SCARF1: variants seen among roughly 807,000 people sequenced by gnomAD.
SCARF1 encodes scavenger receptor class F member 1.
A neutral mutation model predicts 76.3 loss-of-function variants in SCARF1; 49 were observed. That is an observed-to-expected ratio of 0.64 (90% CI 0.51 to 0.81). The LOEUF (loss-of-function observed/expected upper bound fraction) is 0.81. Ranked by LOEUF, SCARF1 falls within the 40% of genes least tolerant of loss-of-function variation. The pLI is 0.00. For missense variants in SCARF1, 1,098 were observed against 1,143.9 expected, an observed-to-expected ratio of 0.96 and a Z score of 0.58; for synonymous variants, 495 against 474.6, an observed-to-expected ratio of 1.04 and a Z score of -0.56.
intron 8 of SCARF1, among the ~76,000 whole-genome samples, chr17:1,637,415 CT>C (rs1909678512): frequency 6.6e-6 from 1 of 152,006 alleles, no homozygotes; most frequent in Non-Finnish European, 1.5e-5. Context: ...TTTGCAGGAC[CT>C]GGCAGGTCTT....
Position 1,638,988 on chromosome 17 carries a change from C to T in SCARF1, c.1244-62G>A, listed in dbSNP as rs1909820966. The T allele has an allele frequency of 1.3e-5, 19 of 1,476,772 alleles. No individual in the cohort carries two copies. In the East Asian group the frequency reaches 2.2e-4, roughly 17 times the overall value. 91.5% of individuals were successfully genotyped at this position (1,476,772 alleles called of 1,614,324 possible). A position where few individuals can be genotyped will look rare whatever the true frequency, so the allele number is the denominator to read the frequency against. ...CTGTCTCCTACACATCCTGTCTTTG[C>T]TCTGAGTTGCCTGCTACCCAGAAGC... On this transcript the variant is annotated intron_variant, in intron 7 of 10. Transcript: ENST00000263071.
rs550635244 is a variant in SCARF1, at chr17:1,640,829, G to A, written c.792-163C>T. Among the ~76,000 whole-genome samples, 1 of 152,262 alleles carries A rather than the reference G, an allele frequency of 6.6e-6. No homozygotes were observed. The highest frequency in any genetic ancestry group is 1.9e-4 in the East Asian group (1 of 5,166). ...CCTCAGTTTCCCCACGTTGTACAAT[G>A]AGGACAAATGAGGGCTCTTACAGGA... On this transcript the variant is annotated intron_variant, in intron 4 of 10. Transcript: ENST00000263071. This position sits in a 1 kb window ranked among gnomAD's most constrained non-coding sequence, Gnocchi z 4.7.
rs755292325 is a variant in SCARF1 at position 1,636,994 on chromosome 17, C to A, written c.1433G>T (p.Gly478Val). 7 of 1,613,970 alleles carry A rather than the reference C, an allele frequency of 4.3e-6. No homozygotes were observed. Among genetic ancestry groups the A allele is most frequent in the Non-Finnish European group, 5.9e-6 (7 of 1,180,010 alleles). ...LQVWGTLTSLGSTLPCRSLSS... is the reference protein window; with the variant it reads ...LQVWGTLTSLVSTLPCRSLSS... ...GAGGGAACGGCAGGGCAGCGTGGAG[C>A]CCAAGCTGGTCAGTGTCCCCCAGAC... The change falls in exon 9 of 11, where the codon GGC becomes GTC. Residue 478 changes from glycine to valine, a missense_variant. By Grantham distance (109) the Gly-to-Val change is moderately radical. Transcript: ENST00000263071.
At position 1,645,047 on chromosome 17, in the gene SCARF1, G is replaced by T; in HGVS notation, c.164-112C>A. 3 of 1,520,632 alleles carry T rather than the reference G, an allele frequency of 2.0e-6. No individual in the cohort carries two copies. Among genetic ancestry groups the T allele is most frequent in the Non-Finnish European group, 2.7e-6 (3 of 1,110,348 alleles). 94.2% of individuals were successfully genotyped at this position (1,520,632 alleles called of 1,614,324 possible). On this transcript the variant is annotated intron_variant, in intron 2 of 10. Coordinates refer to ENST00000263071, the MANE Select transcript of SCARF1 (RefSeq NM_003693.4). The surrounding 1 kb of genome is among the most constrained non-coding windows in gnomAD (Gnocchi z 6.3). ...CCTCAAGAGGTGCCCCTTCAGGCCT[G>T]GGGGTGCGTCACAGGAGAAACCCTG...
At position 1,640,517 on chromosome 17, in the gene SCARF1, C is replaced by T. The variant is rs538940940; in HGVS notation, c.941G>A (p.Arg314Gln). Reference protein sequence around the residue: ...ESCEQQCPHCRHGEACEPDTG... With the variant: ...ESCEQQCPHCQHGEACEPDTG... ...ATCTGGCTCACAGGCCTCCCCATGT[C>T]GGCAGTGAGGGCACTGCTGTTCGCA... The change falls in exon 5 of 11, where the codon CGA becomes CAA. Residue 314 changes from arginine to glutamine, a missense_variant. Arg to Gln is a conservative substitution (Grantham distance 43). Coordinates refer to ENST00000263071, the MANE Select transcript of SCARF1 (RefSeq NM_003693.4). This position sits in a 1 kb window ranked among gnomAD's most constrained non-coding sequence, Gnocchi z 4.7. 3.8e-5 allele frequency: 60 copies of T among 1,592,774 alleles called. No individual in the cohort carries two copies. The highest frequency in any genetic ancestry group is 4.9e-5 in the Non-Finnish European group (57 of 1,169,420).
rs1286375870 is a variant in SCARF1, at chr17:1,638,922, A to C, written c.1248T>G (p.Ser416=). 1 of 1,590,830 alleles carries C rather than the reference A, an allele frequency of 6.3e-7. No individual in the cohort carries two copies. The highest frequency in any genetic ancestry group is 1.7e-5 in the Admixed American group (1 of 58,932). ...HPVSGSCQPG[S]GSRDTALIAG... is the part of the protein sequence containing the mutation. ...CGATGAGGGCAGTGTCCCGACTGCC[A>C]GAGCCTGGGGGAGCCAGAAACGGGG... Residue 416 remains serine (S), a synonymous_variant, in exon 8 of 11, where the codon TCT becomes TCG. Coordinates refer to ENST00000263071, the MANE Select transcript of SCARF1 (RefSeq NM_003693.4).
intron 10 of SCARF1, 22 bp downstream of exon 10, chr17:1,636,687 A>G: frequency 6.2e-7 from 1 of 1,612,822 alleles, no homozygotes; most frequent in East Asian, 2.2e-5. Flanking sequence ...CTCAGGGGCT[A>G]TGTGGGCTGT....
In SCARF1 at chr17:1,643,693, C is replaced by G; in HGVS notation, c.540G>C (p.Val180=). 6.9e-7 allele frequency: 1 copy of G among 1,447,888 alleles called. No homozygotes were observed. Among genetic ancestry groups the G allele is most frequent in the African/African-American group, 1.5e-5 (1 of 67,112 alleles). 89.7% of individuals were successfully genotyped at this position (1,447,888 alleles called of 1,614,324 possible). A position where few individuals can be genotyped will look rare whatever the true frequency, so the allele number is the denominator to read the frequency against. ...ARCEQATGAC[V]CKPGWWGRRC... ...GGCGCCCCCACCAGCCCGGCTTGCA[C>G]ACGCAGGCGCCCGTGGCCTGCTCGC... Residue 180 remains valine, a synonymous_variant, in exon 4 of 11, where the codon GTG becomes GTC. Coordinates refer to ENST00000263071, the MANE Select transcript of SCARF1 (RefSeq NM_003693.4).
At position 1,635,546 on chromosome 17, in the gene SCARF1, C is replaced by T. The variant is rs753272565; in HGVS notation, c.1705G>A (p.Asp569Asn). 11 of 1,612,436 alleles carry T rather than the reference C, an allele frequency of 6.8e-6. No homozygotes were observed. The highest frequency in any genetic ancestry group is 1.7e-5 in the Admixed American group (1 of 59,996). Reference sequence around the variant, plus strand: ...GGGATGGCGAATGGCGTGGAGGCGTCCTCAGGGGGCGGGAAAGCACCTGCA... The same window carrying T: ...GGGATGGCGAATGGCGTGGAGGCGTTCTCAGGGGGCGGGAAAGCACCTGCA... ...LAAGAFPPPEDASTPFAIPRT... is the reference protein window; with the variant it reads ...LAAGAFPPPENASTPFAIPRT... The change falls in exon 11 of 11, where the codon GAC becomes AAC. Residue 569 changes from aspartate to asparagine, a missense_variant. Coordinates refer to ENST00000263071, the MANE Select transcript of SCARF1 (RefSeq NM_003693.4).
rs1322411692 is a variant in SCARF1, at chr17:1,640,534, C to T, written c.924G>A (p.Gln308=). The T allele has an allele frequency of 1.9e-6, 3 of 1,601,602 alleles. No homozygotes were observed. The highest frequency in any genetic ancestry group is 2.6e-6 in the Non-Finnish European group (3 of 1,174,252). ...LPGTFGESCE[Q]QCPHCRHGEA... is the part of the protein sequence containing the mutation. ...CCCCATGTCGGCAGTGAGGGCACTGCTGTTCGCAGCTCTCGCCAAAGGTGC... is the reference window on the plus strand; with the variant it reads ...CCCCATGTCGGCAGTGAGGGCACTGTTGTTCGCAGCTCTCGCCAAAGGTGC... The change falls in exon 5 of 11, where the codon CAG becomes CAA. Residue 308 remains glutamine (Q), a synonymous_variant. Coordinates refer to ENST00000263071, the MANE Select transcript of SCARF1 (RefSeq NM_003693.4). The surrounding 1 kb of genome is among the most constrained non-coding windows in gnomAD (Gnocchi z 4.7).
At chr17:1,639,076 G>A (rs1046088395) in intron 7 of SCARF1, 150 bp from the exon 8 acceptor site, 2 of 796,520 alleles carry the variant, frequency 2.5e-6, no homozygotes, top group Non-Finnish European at 3.9e-6. Context: ...CCCTCCACAG[G>A]TTCTTGCCCC....
rs1446108168 is a variant in SCARF1 at position 1,645,163 on chromosome 17, G to C, written c.163+15C>G. 1 of 1,613,862 alleles carries C rather than the reference G, an allele frequency of 6.2e-7. No individual in the cohort carries two copies. The highest frequency in any genetic ancestry group is 8.5e-7 in the Non-Finnish European group (1 of 1,179,926). On this transcript the variant is annotated intron_variant, in intron 2 of 10. Transcript: ENST00000263071. The surrounding 1 kb of genome is among the most constrained non-coding windows in gnomAD (Gnocchi z 6.3). ...CTCCCTTCTCCTTGGCTGAGGGTCT[G>C]TCCTGGCTACTCACGGATGGTGCAT...
chr17:1,645,347 TGG>T lies in SCARF1; in HGVS notation c.102-110_102-109del. The T allele has an allele frequency of 6.9e-7, 1 of 1,452,412 alleles. No homozygotes were observed. Among genetic ancestry groups the T allele is most frequent in the South Asian group, 1.2e-5 (1 of 82,232 alleles). 90.0% of individuals were successfully genotyped at this position (1,452,412 alleles called of 1,614,324 possible). A position where few individuals can be genotyped will look rare whatever the true frequency, so the allele number is the denominator to read the frequency against. Reference sequence around the variant, plus strand: ...AGTGGGGGAGGCTGCCTTAGCCCCCTGGGGAGGCCTAATGGATCTTTACAGCT... The same window carrying T: ...AGTGGGGGAGGCTGCCTTAGCCCCCTGGAGGCCTAATGGATCTTTACAGCT... On this transcript the variant is annotated intron_variant, in intron 1 of 10. Transcript: ENST00000263071. This position sits in a 1 kb window ranked among gnomAD's most constrained non-coding sequence, Gnocchi z 6.3.
At position 1,640,101 on chromosome 17, in the gene SCARF1, G is replaced by A. The variant is rs1265920984; in HGVS notation, c.1011-61C>T. Reference sequence around the variant, plus strand: ...AGGCAGGCCTGGCCCCCACTGTGGGGCCCCACCCCTCCGCCCCACGCTCCT... The same window carrying A: ...AGGCAGGCCTGGCCCCCACTGTGGGACCCCACCCCTCCGCCCCACGCTCCT... On this transcript the variant is annotated intron_variant, in intron 5 of 10. Coordinates refer to ENST00000263071, the MANE Select transcript of SCARF1 (RefSeq NM_003693.4). The surrounding 1 kb of genome is among the most constrained non-coding windows in gnomAD (Gnocchi z 4.7). 1 of 1,583,110 alleles carries A rather than the reference G, an allele frequency of 6.3e-7. No homozygotes were observed. The highest frequency in any genetic ancestry group is 1.8e-5 in the Admixed American group (1 of 56,918).
rs1909939297 is a variant in SCARF1, at chr17:1,640,345, C to A, written c.1010+103G>T. ...AACAGGAGGGAGGCCCCTGGGGCCG[C>A]ATGAACCTGTGTGTCGGGGAGGGTG... On this transcript the variant is annotated intron_variant, in intron 5 of 10. Coordinates refer to ENST00000263071, the MANE Select transcript of SCARF1 (RefSeq NM_003693.4). The surrounding 1 kb of genome is among the most constrained non-coding windows in gnomAD (Gnocchi z 4.7). 2.7e-6 allele frequency: 3 copies of A among 1,128,712 alleles called. No homozygotes were observed. Among genetic ancestry groups the A allele is most frequent in the South Asian group, 3.0e-5 (2 of 66,988 alleles). The allele number at this position is 1,128,712 out of a possible 1,614,324, so 69.9% of individuals were successfully genotyped here.
At position 1,634,697 on chromosome 17, in the gene SCARF1, T is replaced by C. The variant is rs985013076; in HGVS notation, c.*61A>G. 1.3e-6 allele frequency: 2 copies of C among 1,502,886 alleles called. No individual in the cohort carries two copies. 93.1% of individuals were successfully genotyped at this position (1,502,886 alleles called of 1,614,324 possible). On this transcript the variant is annotated 3_prime_UTR_variant, in exon 11 of 11. Transcript: ENST00000263071. ...TTTGTCTGTCCTGGCCCCGGGATCATTTTCCAGCACACAGCACAGTCTAGT... is the reference window on the plus strand; with the variant it reads ...TTTGTCTGTCCTGGCCCCGGGATCACTTTCCAGCACACAGCACAGTCTAGT...
rs1054156921 is a variant in SCARF1, at chr17:1,634,302, G to A, written c.*456C>T. On this transcript the variant is annotated 3_prime_UTR_variant, in exon 11 of 11. Transcript: ENST00000263071. ...TACTCGGGAGGCTGAGGCAGGAGAA[G>A]GGCGTGAACCCGGGAGGCAGAGCTT... The A allele has an allele frequency of 8.3e-6, 2 of 241,536 alleles. No homozygotes were observed. The highest frequency in any genetic ancestry group is 1.6e-5 in the Non-Finnish European group (2 of 127,864). The allele number at this position is 241,536 out of a possible 1,614,324, so 15.0% of individuals were successfully genotyped here. A position where few individuals can be genotyped will look rare whatever the true frequency, so the allele number is the denominator to read the frequency against.
chr17:1,633,963 A>G lies in SCARF1; in HGVS notation c.*795T>C, dbSNP rs769669556. On this transcript the variant is annotated 3_prime_UTR_variant, in exon 11 of 11. Transcript: ENST00000263071. The stretch of plus-strand genomic sequence containing the variant: ...GTAACAAAAGTAAAAAAGAATGTTC[A>G]CTGTAGAAAATTTGCAAACTATACA... The G allele has an allele frequency of 6.6e-6, 1 of 152,246 alleles. No individual in the cohort carries two copies. Among genetic ancestry groups the G allele is most frequent in the African/African-American group, 2.4e-5 (1 of 41,468 alleles). 9.4% of individuals were successfully genotyped at this position (152,246 alleles called of 1,614,324 possible). A position where few individuals can be genotyped will look rare whatever the true frequency, so the allele number is the denominator to read the frequency against.
In SCARF1 at chr17:1,645,503, C is replaced by T. The variant is rs778087273; in HGVS notation, c.101+94G>A. ...AAGCCCCCTTCCTAGTCTCCTCCTT[C>T]CCCTAACGGCCTCAACACCGGTTCA... is the stretch of plus-strand genomic sequence containing the variant. On this transcript the variant is annotated intron_variant, in intron 1 of 10. Transcript: ENST00000263071. This position sits in a 1 kb window ranked among gnomAD's most constrained non-coding sequence, Gnocchi z 6.3. The T allele has an allele frequency of 6.5e-7, 1 of 1,538,076 alleles. No homozygotes were observed. The highest frequency in any genetic ancestry group is 8.7e-7 in the Non-Finnish European group (1 of 1,148,502).
Sources: allele counts gnomAD v4.1 joint callset (sites outside exome capture counted in the v4.1 genomes callset), GRCh38; gene constraint gnomAD v4.1.1; non-coding constraint Gnocchi (gnomAD v3.1); transcripts MANE v1.5; gene names NCBI Gene and HGNC (gene_info 2026-07-23, HGNC 2026-07-21).